The following RTN4RL1 variants were observed in gnomAD, a reference collection of about 807,000 sequenced individuals.
RTN4RL1 encodes the protein reticulon 4 receptor like 1.
A neutral mutation model predicts 25.6 loss-of-function variants in RTN4RL1; 7 were observed. That is an observed-to-expected ratio of 0.27 (90% CI 0.16 to 0.51). The LOEUF is 0.51. Ranked by LOEUF, RTN4RL1 falls within the 20% of genes least tolerant of loss-of-function variation. RTN4RL1 has a pLI of 0.97. For missense variants in RTN4RL1, 500 were observed against 615.6 expected, an observed-to-expected ratio of 0.81 and a Z score of 1.99; for synonymous variants, 297 against 288.2, an observed-to-expected ratio of 1.03 and a Z score of -0.31.
At position 1,935,895 on chromosome 17, in the gene RTN4RL1, T is replaced by C. The variant is rs562227289; in HGVS notation, c.*601A>G. 27 of 985,484 alleles carry C rather than the reference T, an allele frequency of 2.7e-5. No homozygotes were observed. The Middle Eastern group carries it at 2.1e-3, about 76-fold the overall frequency. The allele number at this position is 985,484 out of a possible 1,614,324, so 61.0% of individuals were successfully genotyped here. On this transcript the variant is annotated 3_prime_UTR_variant, in exon 2 of 2. Coordinates refer to ENST00000331238, the MANE Select transcript of RTN4RL1 (RefSeq NM_178568.4). ...GTAATTGGTTCTTGGACCCCAGCAGTTGGACCTGGGTCTGCCAGGGTTGCC... is the reference window on the plus strand; with the variant it reads ...GTAATTGGTTCTTGGACCCCAGCAGCTGGACCTGGGTCTGCCAGGGTTGCC...
At position 1,990,309 on chromosome 17, in the gene RTN4RL1, G is replaced by A. The variant is rs1036374568; in HGVS notation, c.13+34544C>T. ...TTGAATCTGGGAGGTGGAGGTTGCA[G>A]TGAGCCGAGATCGAGCCACTGCACT... On this transcript the variant is annotated intron_variant, in intron 1 of 1. Coordinates refer to ENST00000331238, the MANE Select transcript of RTN4RL1 (RefSeq NM_178568.4). Among the ~76,000 whole-genome samples, 8 of 152,242 alleles carry A rather than the reference G, an allele frequency of 5.3e-5. No individual in the cohort carries two copies. The East Asian group carries it at 1.5e-3, about 29-fold the overall frequency.
At chr17:1,971,773 T>C (rs938011360) in intron 1 of RTN4RL1, among the ~76,000 whole-genome samples, 1 of 151,686 alleles carries the variant, frequency 6.6e-6, no homozygotes, top group Non-Finnish European at 1.5e-5. Context: ...CCATCCTAGC[T>C]AACATGGTGA....
At chr17:1,963,130 A>G (rs1156542485) in intron 1 of RTN4RL1, among the ~76,000 whole-genome samples, 2 of 152,032 alleles carry the variant, frequency 1.3e-5, no homozygotes, top group African/African-American at 4.8e-5. Flanking sequence ...TGGTCAGAGG[A>G]GGGTCCCCGC....
intron 1 of RTN4RL1, among the ~76,000 whole-genome samples, chr17:1,959,816 G>A (rs1327223758): frequency 6.6e-6 from 1 of 152,164 alleles, no homozygotes; most frequent in African/African-American, 2.4e-5. Context: ...ACCCACCTCG[G>A]CCTCCCAAAG....
chr17:1,970,795 C>CGGCTCTCT (rs1406914464), intron 1 of RTN4RL1, among the ~76,000 whole-genome samples: 1 of 152,160 alleles, frequency 6.6e-6, no homozygotes, highest in East Asian at 1.9e-4. Context: ...CACATAAACA[C>CGGCTCTCT]GGCTCTCTGC....
At chr17:1,950,659 C>T (rs1213255583) in intron 1 of RTN4RL1, among the ~76,000 whole-genome samples, 1 of 150,848 alleles carries the variant, frequency 6.6e-6, no homozygotes, top group African/African-American at 2.4e-5. Flanking sequence ...CCAGCCTGGT[C>T]AACATGGTTA....
intron 1 of RTN4RL1, among the ~76,000 whole-genome samples, chr17:1,954,634 C>A (rs986863270): frequency 1.3e-5 from 2 of 152,074 alleles, no homozygotes; most frequent in African/African-American, 4.8e-5. Flanking sequence ...ATGATCCACC[C>A]GCCTCGGCCT....
At chr17:2,008,993 C>T (rs59539549) in intron 1 of RTN4RL1, among the ~76,000 whole-genome samples, 53,183 of 152,006 alleles carry the variant, frequency 0.35, 9,635 homozygotes, top group East Asian at 0.55. Flanking sequence ...TCCCACCCTG[C>T]CTGGAACACA....
chr17:1,947,763 G>GTGGGGGC (rs1915586907), intron 1 of RTN4RL1, among the ~76,000 whole-genome samples: 1 of 152,204 alleles, frequency 6.6e-6, no homozygotes, highest in Admixed American at 6.5e-5. Flanking sequence ...CTCGCATGGG[G>GTGGGGGC]TGGGGGCTGG....
intron 1 of RTN4RL1, among the ~76,000 whole-genome samples, chr17:2,009,380 G>T (rs2067026567): frequency 1.3e-5 from 2 of 151,604 alleles, no homozygotes; most frequent in Admixed American, 6.6e-5. Flanking sequence ...AGATCATGAG[G>T]TCAGGAGTTT....
Position 2,024,871 on chromosome 17 carries a change from C to T in RTN4RL1, c.-6G>A. On this transcript the variant is annotated 5_prime_UTR_variant, in exon 1 of 2. Coordinates refer to ENST00000331238, the MANE Select transcript of RTN4RL1 (RefSeq NM_178568.4). Reference sequence around the variant, plus strand: ...AACTCACCTTTGCGAAGCATGTTGGCCACGGGGCCGCCGCTCCGAGGTCGG... The same window carrying T: ...AACTCACCTTTGCGAAGCATGTTGGTCACGGGGCCGCCGCTCCGAGGTCGG... The T allele has an allele frequency of 6.3e-7, 1 of 1,583,656 alleles. No homozygotes were observed. The highest frequency in any genetic ancestry group is 8.6e-7 in the Non-Finnish European group (1 of 1,166,062).
chr17:1,935,750 T>TAC lies in RTN4RL1; in HGVS notation c.*745_*746insGT, dbSNP rs1915288408. ...ATATATATATATATATATATATATA[T>TAC]ATATGTAGAGTGTGAATATATATAA... On this transcript the variant is annotated 3_prime_UTR_variant, in exon 2 of 2. Coordinates refer to ENST00000331238, the MANE Select transcript of RTN4RL1 (RefSeq NM_178568.4). The TAC allele has an allele frequency of 3.5e-6, 1 of 285,264 alleles. No homozygotes were observed. Among genetic ancestry groups the TAC allele is most frequent in the Non-Finnish European group, 5.0e-6 (1 of 199,536 alleles). 17.7% of individuals were successfully genotyped at this position (285,264 alleles called of 1,614,324 possible). A position where few individuals can be genotyped will look rare whatever the true frequency, so the allele number is the denominator to read the frequency against.
At chr17:1,958,915 T>G (rs967289501) in intron 1 of RTN4RL1, among the ~76,000 whole-genome samples, 2 of 152,276 alleles carry the variant, frequency 1.3e-5, no homozygotes, top group Non-Finnish European at 2.9e-5. Flanking sequence ...CAAATTTCCA[T>G]GTACTGACTT....
At chr17:1,939,115 G>A (rs1214528157) in intron 1 of RTN4RL1, among the ~76,000 whole-genome samples, 1 of 151,668 alleles carries the variant, frequency 6.6e-6, no homozygotes, top group Non-Finnish European at 1.5e-5. Flanking sequence ...CACTTTGGGA[G>A]GCCGAGGCGG....
At chr17:1,965,575 C>G (rs1044160694) in intron 1 of RTN4RL1, among the ~76,000 whole-genome samples, 14 of 152,100 alleles carry the variant, frequency 9.2e-5, no homozygotes, top group African/African-American at 3.1e-4. Flanking sequence ...CCAGAGTGGG[C>G]CCCCCTCTGA....
intron 1 of RTN4RL1, among the ~76,000 whole-genome samples, chr17:1,997,596 G>A (rs1202834332): frequency 6.6e-6 from 1 of 152,152 alleles, no homozygotes; most frequent in Non-Finnish European, 1.5e-5. Flanking sequence ...GGATGTCACC[G>A]TCCCCTCTAG....
At chr17:2,000,697 T>C (rs879710265) in intron 1 of RTN4RL1, among the ~76,000 whole-genome samples, 1 of 151,956 alleles carries the variant, frequency 6.6e-6, no homozygotes, top group Non-Finnish European at 1.5e-5. Flanking sequence ...TTTTTGTATT[T>C]TTAGTAGAGA....
rs564843940 is a variant in RTN4RL1 at position 1,964,326 on chromosome 17, G to A, written c.14-26518C>T. 2.0e-5 allele frequency among the ~76,000 whole-genome samples: 3 copies of A among 152,154 alleles called. No individual in the cohort carries two copies. In the East Asian group the frequency reaches 5.8e-4, roughly 29 times the overall value. ...TTTTAGGCCCAGTGTGGCTCCTCAC[G>A]CCTGGAATCCCAGCTCTTTGAGAGG... On this transcript the variant is annotated intron_variant, in intron 1 of 1. Transcript: ENST00000331238.
At chr17:2,018,450 T>A (rs1172424477) in intron 1 of RTN4RL1, among the ~76,000 whole-genome samples, 1 of 150,972 alleles carries the variant, frequency 6.6e-6, no homozygotes, top group Non-Finnish European at 1.5e-5. Context: ...GCCCCAGGAG[T>A]CCCAGATCCC....
Sources: gnomAD v4.1 joint callset for allele counts (sites outside exome capture counted in the v4.1 genomes callset) on GRCh38, gnomAD v4.1.1 for gene constraint, MANE v1.5 for transcripts, NCBI Gene and HGNC (gene_info 2026-07-23, HGNC 2026-07-21) for gene names.